FBLN7: variants seen among roughly 807,000 people sequenced by gnomAD.
The protein encoded by FBLN7 is fibulin 7, also known as fibulin-7.
FBLN7 carries 31 observed loss-of-function variants against 44.0 expected under a neutral mutation model. The observed-to-expected ratio is 0.70, with a 90% CI of 0.53 to 0.95. The LOEUF is 0.95. Among genes scored for constraint, FBLN7 ranks in the 40% least tolerant of loss-of-function variants. The pLI is 0.00. For synonymous variants in FBLN7, 262 were observed against 253.4 expected (o/e 1.03, Z -0.32); for missense variants, 573 against 618.5 (o/e 0.93, Z 0.78).
intron 3 of FBLN7, 101 bp from the exon 4 acceptor site, chr2:112,175,610 TCTC>T: frequency 2.1e-6 from 3 of 1,432,582 alleles, no homozygotes; most frequent in East Asian, 2.3e-5. Flanking sequence ...AAGTGGGAGT[TCTC>T]CTACAATGTA....
chr2:112,141,512 G>A (rs961783199), intron 1 of FBLN7, among the ~76,000 whole-genome samples: 2 of 152,166 alleles, frequency 1.3e-5, no homozygotes, highest in African/African-American at 2.4e-5. Flanking sequence ...GTAGTGAGGG[G>A]GCACCACAGG....
rs543586938 is a variant in FBLN7 at position 112,145,250 on chromosome 2, C to T, written c.75+6520C>T. 4.6e-5 allele frequency among the ~76,000 whole-genome samples: 7 copies of T among 152,264 alleles called. No homozygotes were observed. The East Asian group carries it at 5.8e-4, about 13-fold the overall frequency. On this transcript the variant is annotated intron_variant, in intron 1 of 7. Transcript: ENST00000331203. Reference sequence around the variant, plus strand: ...TTGCCAAATAGTCTATTGGGCAAAACGTCTGTTCGAGCCTTCTGCCCATTT... The same window carrying T: ...TTGCCAAATAGTCTATTGGGCAAAATGTCTGTTCGAGCCTTCTGCCCATTT...
At chr2:112,156,865 G>A in intron 1 of FBLN7, among the ~76,000 whole-genome samples, 1 of 152,138 alleles carries the variant, frequency 6.6e-6, no homozygotes, top group Non-Finnish European at 1.5e-5. Context: ...CGGTGCAGAG[G>A]CCTGGCAGCC....
At chr2:112,160,569 A>G (rs1388249879) in intron 2 of FBLN7, among the ~76,000 whole-genome samples, 1 of 152,172 alleles carries the variant, frequency 6.6e-6, no homozygotes, top group East Asian at 1.9e-4. Context: ...ATAATTTTTT[A>G]GAGCAGTTTT....
chr2:112,179,389 T>C (rs1682875482), intron 4 of FBLN7, among the ~76,000 whole-genome samples: 1 of 152,084 alleles, frequency 6.6e-6, no homozygotes, highest in Admixed American at 6.6e-5. Context: ...ATACAAAGAA[T>C]CAATATCATT....
chr2:112,140,990 A>C (rs928780076), intron 1 of FBLN7, among the ~76,000 whole-genome samples: 1 of 152,210 alleles, frequency 6.6e-6, no homozygotes, highest in African/African-American at 2.4e-5. Flanking sequence ...ACTGATTTTT[A>C]AAATTAAGGC....
rs1681073211 is a variant in FBLN7, at chr2:112,149,939, G to C, written c.76-9737G>C. 1.3e-5 allele frequency among the ~76,000 whole-genome samples: 2 copies of C among 152,230 alleles called. 1 individual carries two copies. The highest frequency in any genetic ancestry group is 4.1e-4 in the South Asian group (2 of 4,824). The stretch of plus-strand genomic sequence containing the variant: ...AAAGGAGGCAGCCTCGATGGGAAGT[G>C]AGACCCAAGGAACTCAGCGTGGGGC... On this transcript the variant is annotated intron_variant, in intron 1 of 7. Coordinates refer to ENST00000331203, the MANE Select transcript of FBLN7 (RefSeq NM_153214.3).
chr2:112,140,665 G>A (rs1368179241), intron 1 of FBLN7, among the ~76,000 whole-genome samples: 1 of 152,128 alleles, frequency 6.6e-6, no homozygotes, highest in Non-Finnish European at 1.5e-5. Context: ...AGAGCTCCAG[G>A]TCACCTAATT....
chr2:112,161,961 G>A (rs973645602), intron 2 of FBLN7, among the ~76,000 whole-genome samples: 2 of 152,178 alleles, frequency 1.3e-5, no homozygotes, highest in South Asian at 2.1e-4. Context: ...GGTTGGGCCC[G>A]CACCTGGAGG....
the FBLN7 span, among the ~76,000 whole-genome samples, chr2:112,228,182 CA>C: frequency 6.6e-6 from 1 of 152,058 alleles, no homozygotes; most frequent in African/African-American, 2.4e-5. Context: ...GAAGGCAAGT[CA>C]GGGGGAAGGG....
At position 112,187,276 on chromosome 2, in the gene FBLN7, G is replaced by A. The variant is rs143675954; in HGVS notation, c.1090G>A (p.Gly364Ser). 7.8e-5 allele frequency: 126 copies of A among 1,614,124 alleles called. 2 individuals are homozygous for A. Among genetic ancestry groups the A allele is most frequent in the South Asian group, 2.7e-4 (25 of 91,088 alleles). Reference sequence around the variant, plus strand: ...CCGCATGGCCACAGCCTCTGCCCCCGGCCGAGCTGGGCCCAACAGCCTGCG... The same window carrying A: ...CCGCATGGCCACAGCCTCTGCCCCCAGCCGAGCTGGGCCCAACAGCCTGCG... ...LFRMATASAP[G>S]RAGPNSLRFG... The change falls in exon 8 of 8, where the codon GGC (glycine) becomes AGC (serine). Residue 364 changes from glycine (G) to serine (S), a missense_variant. Coordinates refer to ENST00000331203, the MANE Select transcript of FBLN7 (RefSeq NM_153214.3). The surrounding 1 kb of genome is among the most constrained non-coding windows in gnomAD (Gnocchi z 5.1).
intron 1 of FBLN7, among the ~76,000 whole-genome samples, chr2:112,159,190 A>T (rs992235101): frequency 8.6e-6 from 1 of 115,632 alleles, no homozygotes; most frequent in African/African-American, 3.3e-5. Flanking sequence ...AACTCTAGTG[A>T]GTTTTTTTTT....
chr2:112,166,565 AG>A, intron 3 of FBLN7, among the ~76,000 whole-genome samples: 1 of 152,268 alleles, frequency 6.6e-6, no homozygotes, highest in Middle Eastern at 3.4e-3. Context: ...CCAGTCAGGA[AG>A]TAAAAGTCAT....
chr2:112,142,622 A>G lies in FBLN7; in HGVS notation c.75+3892A>G, dbSNP rs529200497. Among the ~76,000 whole-genome samples, 149 of 152,032 alleles carry G rather than the reference A, an allele frequency of 9.8e-4. 1 individual carries two copies. Among genetic ancestry groups the G allele is most frequent in the African/African-American group, 3.5e-3 (145 of 41,438 alleles). ...TCGACCAAGGCCCATTGACACAGCAACTCCAAGGAGCTCTAGATGGAGACT... is the reference window on the plus strand; with the variant it reads ...TCGACCAAGGCCCATTGACACAGCAGCTCCAAGGAGCTCTAGATGGAGACT... On this transcript the variant is annotated intron_variant, in intron 1 of 7. Transcript: ENST00000331203.
chr2:112,196,225 G>C, the FBLN7 span, among the ~76,000 whole-genome samples: 3 of 152,110 alleles, frequency 2.0e-5, no homozygotes, highest in Non-Finnish European at 2.9e-5. Flanking sequence ...TAACTATCCT[G>C]ACTGACTCAG....
chr2:112,234,355 C>A, the FBLN7 span: 1 of 698,652 alleles, frequency 1.4e-6, no homozygotes, highest in Non-Finnish European at 2.3e-6. Flanking sequence ...TCTAAATTGG[C>A]CTTCATATGT....
At chr2:112,181,596 T>C (rs1682995217) in intron 4 of FBLN7, 143 bp from the exon 5 acceptor site, 1 of 1,075,202 alleles carries the variant, frequency 9.3e-7, no homozygotes, top group Non-Finnish European at 1.2e-6. Context: ...GGTTGATTAC[T>C]TGTCTCTCCT....
At position 112,138,587 on chromosome 2, in the gene FBLN7, G is replaced by A. The variant is rs1318206563; in HGVS notation, c.-69G>A. ...ACCCTGCAGGGACGGCTGCCGCATC[G>A]CTGGGACAAACTCGGCAGCGGAGGC... is the stretch of plus-strand genomic sequence containing the variant. On this transcript the variant is annotated 5_prime_UTR_variant, in exon 1 of 8. Transcript: ENST00000331203. 4 of 1,574,066 alleles carry A rather than the reference G, an allele frequency of 2.5e-6. No homozygotes were observed. The Admixed American group carries it at 6.8e-5, about 27-fold the overall frequency.
chr2:112,196,861 C>T, the FBLN7 span, among the ~76,000 whole-genome samples: 1 of 152,130 alleles, frequency 6.6e-6, no homozygotes, highest in African/African-American at 2.4e-5. Flanking sequence ...GCTGGGGAGG[C>T]CTCACAATCA....
Sources: allele counts gnomAD v4.1 joint callset (sites outside exome capture counted in the v4.1 genomes callset), GRCh38; gene constraint gnomAD v4.1.1; non-coding constraint Gnocchi (gnomAD v3.1); transcripts MANE v1.5; gene names NCBI Gene and HGNC (gene_info 2026-07-23, HGNC 2026-07-21).